TMEM131: variants seen among roughly 807,000 people sequenced by gnomAD.
TMEM131 encodes the protein transmembrane protein 131, also known as 2610524E03Rik.
In TMEM131, 66 loss-of-function variants were observed where a neutral mutation model predicts 211.6. That is an observed-to-expected ratio of 0.31 (90% confidence interval 0.26 to 0.38). The LOEUF (loss-of-function observed/expected upper bound fraction) is 0.38, where lower values mean the gene tolerates loss of function less well. TMEM131 is among the 10% of genes least tolerant of loss of function. TMEM131 has a pLI of 1.00. For synonymous variants in TMEM131, 844 were observed against 841.3 expected, an observed-to-expected ratio of 1.00 and a Z score of -0.06; for missense variants, 2,036 against 2,299.3, an observed-to-expected ratio of 0.89 and a Z score of 2.34.
At chr2:97,845,491 G>A (rs1683382336) in intron 5 of TMEM131, among the ~76,000 whole-genome samples, 1 of 152,074 alleles carries the variant, frequency 6.6e-6, no homozygotes, top group Admixed American at 6.5e-5. Context: ...AATAAGCCAC[G>A]GGTGAAATGA....
At chr2:97,882,530 C>T (rs544708644) in intron 4 of TMEM131, among the ~76,000 whole-genome samples, 1 of 152,286 alleles carries the variant, frequency 6.6e-6, no homozygotes, top group Admixed American at 6.5e-5. Context: ...GCAGCTAGAC[C>T]TGCAATTTCT....
intron 1 of TMEM131, among the ~76,000 whole-genome samples, chr2:97,941,362 A>ATAAAAACC (rs564164597): frequency 1.4e-3 from 207 of 152,348 alleles, no homozygotes; most frequent in African/African-American, 4.8e-3. Flanking sequence ...ACCTAAAACC[A>ATAAAAACC]TAAAAACCCT....
At chr2:97,847,227 G>A (rs1005263615) in intron 5 of TMEM131, among the ~76,000 whole-genome samples, 4 of 151,846 alleles carry the variant, frequency 2.6e-5, no homozygotes, top group African/African-American at 4.8e-5. Context: ...GAGATAAAAG[G>A]CACTACACAT....
At chr2:97,828,262 T>C (rs1375627876) in intron 11 of TMEM131, among the ~76,000 whole-genome samples, 1 of 152,214 alleles carries the variant, frequency 6.6e-6, no homozygotes. Context: ...AATACATGGC[T>C]TTTTAGAATT....
intron 2 of TMEM131, among the ~76,000 whole-genome samples, chr2:97,916,816 C>A (rs1573553276): frequency 6.6e-6 from 1 of 152,142 alleles, no homozygotes; most frequent in East Asian, 1.9e-4. Context: ...AAACTCCCTG[C>A]ACTTTAATAT....
chr2:97,766,205 A>G lies in TMEM131; in HGVS notation c.4632T>C (p.Ser1544=), dbSNP rs745974274. 21 of 1,613,908 alleles carry G rather than the reference A, an allele frequency of 1.3e-5. No individual in the cohort carries two copies. The change falls in exon 35 of 41, where the codon AGT becomes AGC. Residue 1544 remains serine, a synonymous_variant. Transcript: ENST00000186436. ...AGCTACTGGTGTTGCCTAATTCTTGACTATTCGGGAGGAATTTTGCTAGGG... is the reference window on the plus strand; with the variant it reads ...AGCTACTGGTGTTGCCTAATTCTTGGCTATTCGGGAGGAATTTTGCTAGGG... ...PPALAKFLPN[S]QELGNTSSSE...
At chr2:97,830,801 A>T (rs1682644508) in intron 11 of TMEM131, among the ~76,000 whole-genome samples, 1 of 152,240 alleles carries the variant, frequency 6.6e-6, no homozygotes, top group African/African-American at 2.4e-5. Flanking sequence ...TTAGCAGTTG[A>T]GGAACTTCTA....
chr2:97,760,804 T>C lies in TMEM131; in HGVS notation c.5000A>G (p.Asp1667Gly). Residue 1667 changes from aspartate to glycine, a missense_variant, in exon 37 of 41, where the codon GAC becomes GGC. Coordinates refer to ENST00000186436, the MANE Select transcript of TMEM131 (RefSeq NM_015348.2). ...GCAAAGGCACTGACCTGGGCTCTTGTCGTAGCCAGCCGTGACTGCAGCAAA... is the reference window on the plus strand; with the variant it reads ...GCAAAGGCACTGACCTGGGCTCTTGCCGTAGCCAGCCGTGACTGCAGCAAA... ...PTFAAVTAGY[D>G]KSPGGNGFAK... 1 of 1,613,992 alleles carries C rather than the reference T, an allele frequency of 6.2e-7. No homozygotes were observed. The highest frequency in any genetic ancestry group is 1.1e-5 in the South Asian group (1 of 91,080).
chr2:97,761,684 T>C (rs749365508), intron 36 of TMEM131: 4 of 191,566 alleles, frequency 2.1e-5, no homozygotes, highest in Admixed American at 5.3e-5. Flanking sequence ...TAGTGTCACA[T>C]AAACCCATAC....
chr2:97,900,638 CCT>C (rs1675814512), intron 3 of TMEM131, among the ~76,000 whole-genome samples: 1 of 151,990 alleles, frequency 6.6e-6, no homozygotes, highest in Non-Finnish European at 1.5e-5. Context: ...TTGATTCCTC[CCT>C]GTCTTGGCTA....
chr2:97,995,578 C>A lies in TMEM131; in HGVS notation c.85G>T (p.Ala29Ser). Residue 29 changes from alanine (A) to serine (S), a missense_variant, in exon 1 of 41, where the codon GCC becomes TCC. Coordinates refer to ENST00000186436, the MANE Select transcript of TMEM131 (RefSeq NM_015348.2). Reference sequence around the variant, plus strand: ...CTCCGCGGGCCCCCGCTACGGGCGGCCGCAGGTTCCAGCCCGGCCCCGGCG... The same window carrying A: ...CTCCGCGGGCCCCCGCTACGGGCGGACGCAGGTTCCAGCCCGGCCCCGGCG... ...TSAGAGLEPAAARSGGPRSAA... is the reference protein window; with the variant it reads ...TSAGAGLEPASARSGGPRSAA... The A allele has an allele frequency of 7.7e-7, 1 of 1,299,004 alleles. No homozygotes were observed. Among genetic ancestry groups the A allele is most frequent in the South Asian group, 2.4e-5 (1 of 42,368 alleles). The allele number at this position is 1,299,004 out of a possible 1,614,324, so 80.5% of individuals were successfully genotyped here.
chr2:97,871,247 A>G (rs1477995457), intron 4 of TMEM131, among the ~76,000 whole-genome samples: 3 of 152,242 alleles, frequency 2.0e-5, no homozygotes, highest in Admixed American at 2.0e-4. Context: ...GAACAGTAAG[A>G]GAAATCTGAC....
At position 97,866,881 on chromosome 2, in the gene TMEM131, T is replaced by C. The variant is rs77632880; in HGVS notation, c.360-7454A>G. Among the ~76,000 whole-genome samples, 660 of 152,354 alleles carry C rather than the reference T, an allele frequency of 4.3e-3. 5 individuals are homozygous for C. Among genetic ancestry groups the C allele is most frequent in the African/African-American group, 0.015 (609 of 41,576 alleles). ...TGAAATGCTTGGAACCATGAGTGTT[T>C]TGAATTTCAGATTTTTTCAGATTTT... On this transcript the variant is annotated intron_variant, in intron 4 of 40. Transcript: ENST00000186436.
intron 1 of TMEM131, among the ~76,000 whole-genome samples, chr2:97,992,236 A>G (rs1680299246): frequency 1.3e-5 from 2 of 152,202 alleles, no homozygotes; most frequent in South Asian, 4.1e-4. Flanking sequence ...TAACACTCCT[A>G]GTCAATTTGG....
Position 97,759,730 on chromosome 2 carries a change from C to T in TMEM131, c.5128G>A (p.Val1710Ile), listed in dbSNP as rs750202724. Residue 1710 changes from valine (V) to isoleucine (I), a missense_variant, in exon 39 of 41, where the codon GTC becomes ATC. By Grantham distance (29) the Val-to-Ile change is conservative. Transcript: ENST00000186436. ...GSDSSGLWSP[V>I]SNPSSPDFTP... ...AAGTCAGGGCTGCTTGGGTTGCTGA[C>T]GGGACTCCACAAACCCGAGCTAAAT... is the stretch of plus-strand genomic sequence containing the variant. The T allele has an allele frequency of 6.8e-6, 11 of 1,612,988 alleles. No individual in the cohort carries two copies. Among genetic ancestry groups the T allele is most frequent in the African/African-American group, 1.3e-5 (1 of 74,908 alleles).
intron 25 of TMEM131, among the ~76,000 whole-genome samples, chr2:97,800,044 T>C (rs896406333): frequency 1.6e-4 from 24 of 152,218 alleles, no homozygotes; most frequent in African/African-American, 5.8e-4. Flanking sequence ...GGAATAGGTT[T>C]ATTATTATTT....
chr2:97,893,037 T>C lies in TMEM131; in HGVS notation c.291-4917A>G, dbSNP rs192289002. ...GTATTAGGTACTTCTCCTAATGCTA[T>C]CCCTCCCCTAGCCGCCCAACCCCCG... On this transcript the variant is annotated intron_variant, in intron 3 of 40. Transcript: ENST00000186436. Among the ~76,000 whole-genome samples the C allele has an allele frequency of 1.2e-3, 182 of 152,266 alleles. 1 individual carries two copies. The highest frequency in any genetic ancestry group is 4.2e-3 in the African/African-American group (174 of 41,556).
At chr2:97,803,055 G>A (rs917949997) in intron 22 of TMEM131, among the ~76,000 whole-genome samples, 1 of 152,130 alleles carries the variant, frequency 6.6e-6, no homozygotes, top group African/African-American at 2.4e-5. Flanking sequence ...AATACCAATG[G>A]CATTAATGTA....
At chr2:97,991,534 C>A (rs981283022) in intron 1 of TMEM131, among the ~76,000 whole-genome samples, 1 of 152,104 alleles carries the variant, frequency 6.6e-6, no homozygotes, top group African/African-American at 2.4e-5. Context: ...GATAATTCTG[C>A]CCTGGACACA....
Sources: gnomAD v4.1 joint callset for allele counts (sites outside exome capture counted in the v4.1 genomes callset) on GRCh38, gnomAD v4.1.1 for gene constraint, MANE v1.5 for transcripts, NCBI Gene and HGNC (gene_info 2026-07-23, HGNC 2026-07-21) for gene names.